RARB: variants seen among roughly 807,000 people sequenced by gnomAD.
RARB encodes retinoic acid receptor beta, also known as HBV-activated protein.
RARB carries 17 observed loss-of-function variants against 51.9 expected under a neutral mutation model. That is an observed-to-expected ratio of 0.33 (90% CI 0.22 to 0.49). The LOEUF is 0.49. Ranked by LOEUF, RARB falls within the 20% of genes least tolerant of loss-of-function variation. The pLI is 0.99. For synonymous variants in RARB, 215 were observed against 195.4 expected (o/e 1.10, Z -0.84); for missense variants, 369 against 550.8 (o/e 0.67, Z 3.30).
chr3:25,550,470 A>G (rs1284295906), intron 3 of RARB, among the ~76,000 whole-genome samples: 1 of 152,148 alleles, frequency 6.6e-6, no homozygotes, highest in South Asian at 2.1e-4. Flanking sequence ...GTAACCTCAC[A>G]TGGCAGAAGG....
At chr3:25,024,669 G>A (rs914925304) in intron 2 of RARB, among the ~76,000 whole-genome samples, 1 of 152,076 alleles carries the variant, frequency 6.6e-6, no homozygotes, top group Non-Finnish European at 1.5e-5. Flanking sequence ...AATTTAAAAA[G>A]AGCTGGGCAC....
At chr3:25,323,922 G>A (rs1704639442) in intron 5 of RARB, among the ~76,000 whole-genome samples, 1 of 152,114 alleles carries the variant, frequency 6.6e-6, no homozygotes, top group African/African-American at 2.4e-5. Context: ...AATATTAAAT[G>A]ACAATAGGCA....
At chr3:24,937,799 A>T (rs539586262) in intron 2 of RARB, among the ~76,000 whole-genome samples, 3 of 152,250 alleles carry the variant, frequency 2.0e-5, no homozygotes, top group Admixed American at 2.0e-4. Context: ...AGAGTTTTTT[A>T]TTAAAAAAAT....
At chr3:25,118,016 C>G (rs1367051322) in intron 3 of RARB, among the ~76,000 whole-genome samples, 1 of 152,120 alleles carries the variant, frequency 6.6e-6, no homozygotes, top group Admixed American at 6.6e-5. Flanking sequence ...TGACACTGAG[C>G]TTTCTAGCAG....
At chr3:25,333,619 A>G (rs1488847655) in intron 5 of RARB, among the ~76,000 whole-genome samples, 1 of 152,256 alleles carries the variant, frequency 6.6e-6, no homozygotes, top group East Asian at 1.9e-4. Context: ...AGGCATGAGC[A>G]AGGACTTTAT....
At chr3:24,938,612 A>C (rs1695593468) in intron 2 of RARB, among the ~76,000 whole-genome samples, 1 of 152,196 alleles carries the variant, frequency 6.6e-6, no homozygotes, top group Admixed American at 6.5e-5. Flanking sequence ...TTAAATGGAC[A>C]ATTAAGTGGC....
intron 2 of RARB, among the ~76,000 whole-genome samples, chr3:24,873,500 T>C (rs1409869978): frequency 1.6e-4 from 24 of 152,056 alleles, no homozygotes; most frequent in Admixed American, 1.6e-3. Context: ...TTGACAGAGA[T>C]TTTACTGTGT....
chr3:25,553,132 A>AT (rs1057097576), intron 3 of RARB, among the ~76,000 whole-genome samples: 18 of 148,520 alleles, frequency 1.2e-4, no homozygotes, highest in African/African-American at 2.0e-4. Flanking sequence ...TATAGAGATG[A>AT]TTTTTTTCCT....
At chr3:25,357,148 C>T (rs918264037) in intron 5 of RARB, among the ~76,000 whole-genome samples, 6 of 152,198 alleles carry the variant, frequency 3.9e-5, no homozygotes, top group African/African-American at 1.4e-4. Flanking sequence ...AAAAGCATTC[C>T]TATTTCTTCA....
chr3:25,117,098 G>A (rs1410284080), intron 3 of RARB, among the ~76,000 whole-genome samples: 2 of 152,022 alleles, frequency 1.3e-5, no homozygotes, highest in Non-Finnish European at 2.9e-5. Flanking sequence ...AGTGTTTTTT[G>A]AATGCTTAAA....
At chr3:25,081,510 G>C (rs921853915) in intron 3 of RARB, among the ~76,000 whole-genome samples, 31 of 138,224 alleles carry the variant, frequency 2.2e-4, no homozygotes, top group African/African-American at 2.7e-5. Flanking sequence ...CTGAGAGAAG[G>C]AACATTAAAA....
At chr3:25,538,125 A>T (rs1699220829) in intron 3 of RARB, among the ~76,000 whole-genome samples, 1 of 151,998 alleles carries the variant, frequency 6.6e-6, no homozygotes, top group South Asian at 2.1e-4. Context: ...TGTCTTTTTC[A>T]TTGTTTTATC....
At chr3:25,070,543 T>C (rs1298728173) in intron 3 of RARB, among the ~76,000 whole-genome samples, 1 of 151,990 alleles carries the variant, frequency 6.6e-6, no homozygotes, top group Non-Finnish European at 1.5e-5. Flanking sequence ...CCCCCACCCA[T>C]TGTTTACAGA....
intron 3 of RARB, among the ~76,000 whole-genome samples, chr3:25,511,843 A>T (rs1697910880): frequency 6.6e-6 from 1 of 152,092 alleles, no homozygotes; most frequent in Non-Finnish European, 1.5e-5. Context: ...TTGCATCCTC[A>T]AGGTTTAGAC....
chr3:25,199,037 G>T (rs967200327), intron 5 of RARB, among the ~76,000 whole-genome samples: 1 of 152,024 alleles, frequency 6.6e-6, no homozygotes, highest in Non-Finnish European at 1.5e-5. Flanking sequence ...ATTTGGTGGC[G>T]ACCTAAGTGT....
chr3:25,237,736 A>T (rs1030377622), intron 5 of RARB, among the ~76,000 whole-genome samples: 6 of 152,152 alleles, frequency 3.9e-5, no homozygotes, highest in African/African-American at 1.4e-4. Context: ...GCAGTTCTCC[A>T]TTCTACTTCC....
At chr3:25,220,527 C>T (rs955158483) in intron 5 of RARB, among the ~76,000 whole-genome samples, 2 of 152,252 alleles carry the variant, frequency 1.3e-5, no homozygotes, top group Non-Finnish European at 1.5e-5. Context: ...AGAGACCACA[C>T]GGAGGTAATT....
intron 2 of RARB, among the ~76,000 whole-genome samples, chr3:25,018,100 C>G (rs1697554473): frequency 6.6e-6 from 1 of 152,136 alleles, no homozygotes; most frequent in African/African-American, 2.4e-5. Context: ...TATTGCAACC[C>G]AAACAGACTA....
At chr3:25,488,690 G>A (rs1381659410) in intron 2 of RARB, among the ~76,000 whole-genome samples, 1 of 152,220 alleles carries the variant, frequency 6.6e-6, no homozygotes, top group African/African-American at 2.4e-5. Context: ...GGAGAAAAAT[G>A]TAATTTTGAT....
Sources: gnomAD v4.1 joint callset for allele counts (sites outside exome capture counted in the v4.1 genomes callset) on GRCh38, gnomAD v4.1.1 for gene constraint, MANE v1.5 for transcripts, NCBI Gene and HGNC (gene_info 2026-07-23, HGNC 2026-07-21) for gene names.